SH3PXD2A: variants seen among roughly 807,000 people sequenced by gnomAD.
The protein encoded by SH3PXD2A is SH3 and PX domain-containing protein 2A.
A neutral mutation model predicts 115.2 loss-of-function variants in SH3PXD2A; 32 were observed. The ratio of observed to expected loss-of-function variants is 0.28; its 90% CI spans 0.21 to 0.37. The LOEUF (loss-of-function observed/expected upper bound fraction) is 0.37, where lower values mean the gene tolerates loss of function less well. Ranked by LOEUF, SH3PXD2A falls within the 10% of genes least tolerant of loss-of-function variation. The pLI is 1.00. For synonymous variants in SH3PXD2A, 610 were observed against 629.1 expected (o/e 0.97, Z 0.45); for missense variants, 1,328 against 1,498.7 (o/e 0.89, Z 1.88).
At chr10:103,708,489 G>A (rs1461401280) in intron 5 of SH3PXD2A, among the ~76,000 whole-genome samples, 5 of 152,156 alleles carry the variant, frequency 3.3e-5, no homozygotes, top group Non-Finnish European at 5.9e-5. Context: ...AGCTCCCTCC[G>A]GCTATGTCTG....
chr10:103,827,450 C>T (rs2039441587), intron 1 of SH3PXD2A, among the ~76,000 whole-genome samples: 1 of 152,170 alleles, frequency 6.6e-6, no homozygotes, highest in Non-Finnish European at 1.5e-5. Flanking sequence ...CATGTGGGTT[C>T]AGGCCCAGCT....
At chr10:103,729,796 A>G (rs1181314065) in intron 4 of SH3PXD2A, among the ~76,000 whole-genome samples, 5 of 152,214 alleles carry the variant, frequency 3.3e-5, no homozygotes, top group Non-Finnish European at 5.9e-5. Flanking sequence ...AGGTTTTGCC[A>G]TCAGCTAGCC....
intron 4 of SH3PXD2A, among the ~76,000 whole-genome samples, chr10:103,728,876 G>GTTTTTTTT (rs11399791): frequency 7.0e-6 from 1 of 142,658 alleles, no homozygotes; most frequent in African/African-American, 2.6e-5. Context: ...GCAAAGAGTT[G>GTTTTTTTT]TTTTTTTTGT....
intron 5 of SH3PXD2A, among the ~76,000 whole-genome samples, chr10:103,706,277 T>C (rs1216081140): frequency 6.6e-6 from 1 of 152,190 alleles, no homozygotes; most frequent in Non-Finnish European, 1.5e-5. Flanking sequence ...CTGCCGCTGG[T>C]GTGGCTGCTC....
chr10:103,837,520 C>T (rs941179321), intron 1 of SH3PXD2A, among the ~76,000 whole-genome samples: 1 of 152,192 alleles, frequency 6.6e-6, no homozygotes, highest in Non-Finnish European at 1.5e-5. Flanking sequence ...TTGGGCAGAG[C>T]AAGCTTCCCT....
Position 103,767,107 on chromosome 10 carries a change from G to A in SH3PXD2A, c.216C>T (p.Ile72=), listed in dbSNP as rs1327446992. ...GGQKDPKQRI[I]PFLPGKILFR... is the part of the protein sequence containing the mutation. Reference sequence around the variant, plus strand: ...CCCAATGCTTACCTGGGAGGAAGGGGATGATCCTTTGCTTGGGGTCCTTCT... The same window carrying A: ...CCCAATGCTTACCTGGGAGGAAGGGAATGATCCTTTGCTTGGGGTCCTTCT... The change falls in exon 3 of 15, where the codon ATC becomes ATT. Residue 72 remains isoleucine (I), a synonymous_variant. Transcript: ENST00000369774. 5.6e-6 allele frequency: 9 copies of A among 1,613,734 alleles called. No individual in the cohort carries two copies. Among genetic ancestry groups the A allele is most frequent in the Non-Finnish European group, 7.6e-6 (9 of 1,179,782 alleles).
intron 1 of SH3PXD2A, among the ~76,000 whole-genome samples, chr10:103,808,253 T>G (rs969921421): frequency 1.3e-5 from 2 of 148,756 alleles, no homozygotes; most frequent in Admixed American, 6.7e-5. Context: ...CCCCTCTTTT[T>G]TTTTCTTTTT....
Position 103,603,221 on chromosome 10 carries a change from G to A in SH3PXD2A, c.1997C>T (p.Ser666Leu). The A allele has an allele frequency of 6.2e-7, 1 of 1,614,212 alleles. No individual in the cohort carries two copies. Among genetic ancestry groups the A allele is most frequent in the Non-Finnish European group, 8.5e-7 (1 of 1,180,048 alleles). The change falls in exon 15 of 15, where the codon TCA becomes TTA. Residue 666 changes from serine (S) to leucine (L), a missense_variant. Ser to Leu is a moderately radical substitution (Grantham distance 145). Transcript: ENST00000369774. ...NSPKSGSPKS[S>L]SLLKLKAEKN... ...CTCTGCCTTGAGCTTTAGGAGTGAT[G>A]ATGACTTGGGGGAGCCTGATTTGGG...
intron 6 of SH3PXD2A, among the ~76,000 whole-genome samples, chr10:103,685,335 C>T (rs1286892286): frequency 3.5e-5 from 3 of 86,778 alleles, no homozygotes; most frequent in Non-Finnish European, 6.5e-5. Flanking sequence ...AAAACTCTGT[C>T]TCAAAAAAAA....
chr10:103,611,730 T>C lies in SH3PXD2A; in HGVS notation c.1259-100A>G, dbSNP rs141592256. The C allele has an allele frequency of 7.9e-5, 74 of 931,404 alleles. No individual in the cohort carries two copies. The East Asian group carries it at 1.7e-3, about 22-fold the overall frequency. The allele number at this position is 931,404 out of a possible 1,614,324, so 57.7% of individuals were successfully genotyped here. ...TGAAACTAACTCCTGATCCTTCAAG[T>C]TCATGCTTTAGCTCAGCCTTTATGA... is the stretch of plus-strand genomic sequence containing the variant. On this transcript the variant is annotated intron_variant, in intron 12 of 14. Transcript: ENST00000369774.
At chr10:103,636,807 C>G (rs1157790481) in intron 8 of SH3PXD2A, among the ~76,000 whole-genome samples, 1 of 152,184 alleles carries the variant, frequency 6.6e-6, no homozygotes, top group Non-Finnish European at 1.5e-5. Context: ...CGTCCTCCCG[C>G]TCTGACTCCC....
intron 2 of SH3PXD2A, among the ~76,000 whole-genome samples, chr10:103,770,950 T>C (rs1311641474): frequency 6.6e-6 from 1 of 152,248 alleles, no homozygotes; most frequent in Non-Finnish European, 1.5e-5. Flanking sequence ...TGCATATTTA[T>C]AAGTACCTTA....
At chr10:103,681,906 TG>T (rs1474252020) in intron 6 of SH3PXD2A, among the ~76,000 whole-genome samples, 1 of 152,206 alleles carries the variant, frequency 6.6e-6, no homozygotes, top group Admixed American at 6.5e-5. Flanking sequence ...GGTGAAACCC[TG>T]TCTCTTAAGA....
chr10:103,834,284 AG>A (rs2039509874), intron 1 of SH3PXD2A, among the ~76,000 whole-genome samples: 1 of 152,168 alleles, frequency 6.6e-6, no homozygotes, highest in South Asian at 2.1e-4. Context: ...GAGCCAATGA[AG>A]GGGCTGATGG....
At chr10:103,661,532 G>C in intron 7 of SH3PXD2A, 1 of 489,336 alleles carries the variant, frequency 2.0e-6, no homozygotes, top group Non-Finnish European at 2.7e-6. Flanking sequence ...CAGGGGCATC[G>C]GGGAGGGCGG....
intron 8 of SH3PXD2A, among the ~76,000 whole-genome samples, chr10:103,647,128 C>G (rs576996797): frequency 6.0e-4 from 91 of 152,240 alleles, no homozygotes; most frequent in Middle Eastern, 3.4e-3. Flanking sequence ...CAAGATACCC[C>G]CAATGAGTCC....
intron 6 of SH3PXD2A, among the ~76,000 whole-genome samples, chr10:103,679,207 T>C (rs1453770787): frequency 2.0e-5 from 3 of 152,204 alleles, no homozygotes; most frequent in Non-Finnish European, 2.9e-5. Flanking sequence ...AAACTGCTGT[T>C]TCCTTGCCCA....
chr10:103,844,249 T>C (rs1842817614), intron 1 of SH3PXD2A, among the ~76,000 whole-genome samples: 2 of 152,216 alleles, frequency 1.3e-5, no homozygotes, highest in African/African-American at 4.8e-5. Flanking sequence ...TGCCAGGCAC[T>C]GCGCTGAGGG....
At chr10:103,706,951 C>T (rs1333274413) in intron 5 of SH3PXD2A, among the ~76,000 whole-genome samples, 4 of 152,350 alleles carry the variant, frequency 2.6e-5, no homozygotes, top group South Asian at 2.1e-4. Flanking sequence ...TGTGCTCCGT[C>T]CTCTGTGACA....
Sources: allele counts gnomAD v4.1 joint callset (sites outside exome capture counted in the v4.1 genomes callset), GRCh38; gene constraint gnomAD v4.1.1; transcripts MANE v1.5; gene names NCBI Gene and HGNC (gene_info 2026-07-23, HGNC 2026-07-21).